Variants in CPNE1 observed in about 807,000 individuals in gnomAD.
CPNE1 encodes copine-1.
CPNE1 carries 58 observed loss-of-function variants against 63.2 expected under a neutral mutation model. That is an observed-to-expected ratio of 0.92 (90% confidence interval 0.74 to 1.14). CPNE1 has a LOEUF of 1.14. CPNE1 is among the 50% of genes most tolerant of loss of function. The pLI, the probability that CPNE1 is intolerant of heterozygous loss-of-function variation, is 0.00. For synonymous variants in CPNE1, 237 were observed against 249.0 expected, an observed-to-expected ratio of 0.95 and a Z score of 0.45; for missense variants, 672 against 661.7, an observed-to-expected ratio of 1.02 and a Z score of -0.17.
Position 35,629,033 on chromosome 20 carries a change from T to C in CPNE1, c.1102+1406A>G, listed in dbSNP as rs955656790. 1.4e-4 allele frequency among the ~76,000 whole-genome samples: 21 copies of C among 152,350 alleles called. No homozygotes were observed. The Middle Eastern group carries it at 0.01, about 74-fold the overall frequency. ...ATAAACACATATTTTTAATCTTTTTTCCCTTGAAATGTGTGAATGTGTGTG... is the reference window on the plus strand; with the variant it reads ...ATAAACACATATTTTTAATCTTTTTCCCCTTGAAATGTGTGAATGTGTGTG... On this transcript the variant is annotated intron_variant, in intron 13 of 15. Coordinates refer to ENST00000397443, the MANE Select transcript of CPNE1 (RefSeq NM_152925.3).
chr20:35,657,236 G>A (rs888455234), intron 1 of CPNE1, among the ~76,000 whole-genome samples: 10 of 152,076 alleles, frequency 6.6e-5, no homozygotes, highest in East Asian at 5.8e-4. Context: ...AAAAATTAAC[G>A]CTAAAAAACA....
chr20:35,626,200 G>A lies in CPNE1; in HGVS notation c.*41C>T. The A allele has an allele frequency of 2.5e-6, 4 of 1,611,522 alleles. No homozygotes were observed. The highest frequency in any genetic ancestry group is 8.5e-7 in the Non-Finnish European group (1 of 1,177,754). On this transcript the variant is annotated 3_prime_UTR_variant, in exon 16 of 16. Transcript: ENST00000397443. Reference sequence around the variant, plus strand: ...TGGGTTGTGGCCCAGAGGGACCTCTGGGACACAGGATTGAGGACTTGCCAC... The same window carrying A: ...TGGGTTGTGGCCCAGAGGGACCTCTAGGACACAGGATTGAGGACTTGCCAC...
Position 35,632,626 on chromosome 20 carries a change from C to A in CPNE1, c.200G>T (p.Arg67Leu), listed in dbSNP as rs142217317. 4.3e-5 allele frequency: 66 copies of A among 1,545,864 alleles called. No individual in the cohort carries two copies. In the East Asian group the frequency reaches 5.6e-4, roughly 13 times the overall value. ...GCGTAGCTTCTGGACTGTCTCAAAG[C>A]GGTACTCAAGCTGTAGAGTCTTGGA... ...EFSKTLQLEY[R>L]FETVQKLRFG... is the part of the protein sequence containing the mutation. Residue 67 changes from arginine (R) to leucine (L), a missense_variant, in exon 3 of 16, where the codon CGC becomes CTC. Arg to Leu is a moderately radical substitution (Grantham distance 102). Coordinates refer to ENST00000397443, the MANE Select transcript of CPNE1 (RefSeq NM_152925.3).
chr20:35,631,479 G>T lies in CPNE1; in HGVS notation c.714+13C>A. On this transcript the variant is annotated intron_variant, in intron 8 of 15. Transcript: ENST00000397443. ...AGGCCCATTTCCACACCCCTGGCAA[G>T]ACCAGCACTCACCGGGACTGCCTGC... 1 of 1,613,158 alleles carries T rather than the reference G, an allele frequency of 6.2e-7. No individual in the cohort carries two copies. The highest frequency in any genetic ancestry group is 1.1e-5 in the South Asian group (1 of 91,056).
At chr20:35,647,112 A>C (rs1322689974) in intron 1 of CPNE1, among the ~76,000 whole-genome samples, 1 of 151,836 alleles carries the variant, frequency 6.6e-6, no homozygotes, top group African/African-American at 2.4e-5. Flanking sequence ...GGAGTTCGAG[A>C]CCAGCCTGGC....
intron 1 of CPNE1, among the ~76,000 whole-genome samples, chr20:35,648,028 G>C (rs1022497456): frequency 1.3e-5 from 2 of 150,278 alleles, no homozygotes; most frequent in Non-Finnish European, 2.9e-5. Context: ...TCGCACCACT[G>C]CACTCCAGCC....
chr20:35,635,158 C>G (rs776894919), intron 1 of CPNE1, among the ~76,000 whole-genome samples: 5 of 152,046 alleles, frequency 3.3e-5, no homozygotes, highest in Non-Finnish European at 7.4e-5. Context: ...TCAAAATAAT[C>G]TTCCCTGTTT....
At chr20:35,636,576 G>C (rs980483664) in intron 1 of CPNE1, among the ~76,000 whole-genome samples, 1 of 152,186 alleles carries the variant, frequency 6.6e-6, no homozygotes, top group South Asian at 2.1e-4. Context: ...GAGGCAGGCG[G>C]ATCACTTGAG....
At chr20:35,628,649 T>A (rs1259754280) in intron 13 of CPNE1, among the ~76,000 whole-genome samples, 1 of 152,232 alleles carries the variant, frequency 6.6e-6, no homozygotes, top group African/African-American at 2.4e-5. Context: ...ACTGTTTATA[T>A]CATGAAATGT....
chr20:35,630,327 C>G lies in CPNE1; in HGVS notation c.1102+112G>C. 1.5e-5 allele frequency: 12 copies of G among 795,622 alleles called. No individual in the cohort carries two copies. In the South Asian group the frequency reaches 2.1e-4, roughly 14 times the overall value. The allele number at this position is 795,622 out of a possible 1,614,324, so 49.3% of individuals were successfully genotyped here. On this transcript the variant is annotated intron_variant, in intron 13 of 15. Transcript: ENST00000397443. Reference sequence around the variant, plus strand: ...AAATTAAACTAAAATTAAATAAAATCCACCCTCTGGACAATGAAGGCAGGT... The same window carrying G: ...AAATTAAACTAAAATTAAATAAAATGCACCCTCTGGACAATGAAGGCAGGT...
In CPNE1 at chr20:35,631,032, C is replaced by T. The variant is rs2146283913; in HGVS notation, c.864G>A (p.Val288=). The T allele has an allele frequency of 6.2e-7, 1 of 1,613,978 alleles. No individual in the cohort carries two copies. Among genetic ancestry groups the T allele is most frequent in the Non-Finnish European group, 8.5e-7 (1 of 1,179,988 alleles). ...CATTGGAGCCAGTGAAGTCCACGCC[C>T]ACCTGGGAGGAGGTGAGGAAGGCAG... ...VMGGCQINFT[V]GVDFTGSNGD... is the part of the protein sequence containing the mutation. Residue 288 remains valine (V), a splice_region_variant and synonymous_variant, in exon 11 of 16, where the codon GTG becomes GTA. Coordinates refer to ENST00000397443, the MANE Select transcript of CPNE1 (RefSeq NM_152925.3).
intron 1 of CPNE1, chr20:35,654,648 CG>C (rs2033779213): frequency 6.2e-7 from 1 of 1,613,682 alleles, no homozygotes; most frequent in African/African-American, 1.3e-5. Flanking sequence ...CTGGGGGAAT[CG>C]GGGGCACAGG....
chr20:35,634,240 G>T (rs961597737), intron 1 of CPNE1, among the ~76,000 whole-genome samples: 100 of 142,780 alleles, frequency 7.0e-4, no homozygotes, highest in African/African-American at 2.5e-3. Context: ...CAGCCTGGGG[G>T]ACCGAGGTTG....
intron 1 of CPNE1, chr20:35,655,132 A>G: frequency 6.2e-7 from 1 of 1,614,110 alleles, no homozygotes; most frequent in East Asian, 2.2e-5. Flanking sequence ...TGACCCTTTA[A>G]TTGTACCACC....
At chr20:35,631,198 C>G in intron 9 of CPNE1, 25 bp from the exon 10 acceptor site, 1 of 1,613,926 alleles carries the variant, frequency 6.2e-7, no homozygotes, top group Non-Finnish European at 8.5e-7. Context: ...AGGGTCATGC[C>G]TGGGGTGATA....
At position 35,631,544 on chromosome 20, in the gene CPNE1, T is replaced by A; in HGVS notation, c.662A>T (p.His221Leu). 6.2e-7 allele frequency: 1 copy of A among 1,614,080 alleles called. No homozygotes were observed. Among genetic ancestry groups the A allele is most frequent in the South Asian group, 1.1e-5 (1 of 91,088 alleles). The part of the protein sequence containing the change: ...QCSDYDSDGS[H>L]DLIGTFHTSL... ...GGTGTGGAAGGTACCGATGAGATCA[T>A]GTGACCCGTCACTGTCATAATCGGA... The change falls in exon 8 of 16, where the codon CAT (histidine) becomes CTT (leucine). Residue 221 changes from histidine (H) to leucine (L), a missense_variant. By Grantham distance (99) the His-to-Leu change is moderately conservative. Coordinates refer to ENST00000397443, the MANE Select transcript of CPNE1 (RefSeq NM_152925.3).
At position 35,632,190 on chromosome 20, in the gene CPNE1, C is replaced by T; in HGVS notation, c.429G>A (p.Glu143=). The change falls in exon 5 of 16, where the codon GAG becomes GAA. Residue 143 remains glutamate (E), a synonymous_variant. Transcript: ENST00000397443. ...TCTTATCTAGGTTTCTGGCCTCTAC[C>T]TCCATGGTTACTACACGATTGTCCT... ...ELKDNRVVTM[E]VEARNLDKKD... 1.1e-5 allele frequency: 17 copies of T among 1,614,180 alleles called. No homozygotes were observed. Among genetic ancestry groups the T allele is most frequent in the Non-Finnish European group, 1.4e-5 (17 of 1,180,032 alleles).
At chr20:35,638,766 T>C (rs767033482) in intron 1 of CPNE1, among the ~76,000 whole-genome samples, 31 of 152,210 alleles carry the variant, frequency 2.0e-4, no homozygotes, top group Non-Finnish European at 4.1e-4. Context: ...TGAGAACCAA[T>C]TGTGATGTTT....
At position 35,631,367 on chromosome 20, in the gene CPNE1, GA is replaced by G. The variant is rs2032125510; in HGVS notation, c.715-14del. 6.2e-7 allele frequency: 1 copy of G among 1,613,648 alleles called. No individual in the cohort carries two copies. On this transcript the variant is annotated splice_polypyrimidine_tract_variant and intron_variant, in intron 8 of 15. Transcript: ENST00000397443. ...ATTCAAACTCAGCCTGGTGAGGACAGAAAAATTAGGGTAGGAAATTCTCAGA... is the reference window on the plus strand; with the variant it reads ...ATTCAAACTCAGCCTGGTGAGGACAGAAAATTAGGGTAGGAAATTCTCAGA...
Sources: allele counts gnomAD v4.1 joint callset (sites outside exome capture counted in the v4.1 genomes callset), GRCh38; gene constraint gnomAD v4.1.1; transcripts MANE v1.5; gene names NCBI Gene and HGNC (gene_info 2026-07-23, HGNC 2026-07-21).